The following ANK3 variants were observed in gnomAD, a reference collection of about 807,000 sequenced individuals.
The protein encoded by ANK3 is ankyrin-3.
A neutral mutation model predicts 370.9 loss-of-function variants in ANK3; 57 were observed. The observed-to-expected ratio is 0.15, with a 90% CI of 0.12 to 0.19. ANK3 has a LOEUF of 0.19. Ranked by LOEUF, ANK3 falls within the 10% of genes least tolerant of loss-of-function variation. The pLI, the probability that ANK3 is intolerant of heterozygous loss-of-function variation, is 1.00. For synonymous variants in ANK3, 1,929 were observed against 1,946.3 expected (o/e 0.99, Z 0.23); for missense variants, 4,439 against 5,302.1 (o/e 0.84, Z 5.06).
chr10:60,502,674 T>C (rs531751315), intron 2 of ANK3, among the ~76,000 whole-genome samples: 12 of 135,982 alleles, frequency 8.8e-5, no homozygotes, highest in African/African-American at 3.4e-4. Context: ...CTGCGCAACA[T>C]AGGGAGACCC....
At chr10:60,065,181 A>G (rs766549841) in intron 38 of ANK3, among the ~76,000 whole-genome samples, 2 of 152,222 alleles carry the variant, frequency 1.3e-5, no homozygotes, top group Non-Finnish European at 2.9e-5. Flanking sequence ...CTTTCTGTCC[A>G]TCTACTCGTA....
At chr10:60,523,703 C>T (rs867698524) in intron 2 of ANK3, among the ~76,000 whole-genome samples, 11 of 152,022 alleles carry the variant, frequency 7.2e-5, no homozygotes, top group Non-Finnish European at 8.8e-5. Flanking sequence ...AATAAACATA[C>T]GTGTGCATGT....
intron 1 of ANK3, among the ~76,000 whole-genome samples, chr10:60,313,935 T>G (rs915812682): frequency 9.2e-5 from 14 of 151,402 alleles, no homozygotes; most frequent in Non-Finnish European, 1.8e-4. Context: ...TTTGTTTTTT[T>G]TTTTTTTGCT....
At chr10:60,149,786 G>A (rs2095016254) in intron 23 of ANK3, among the ~76,000 whole-genome samples, 1 of 152,220 alleles carries the variant, frequency 6.6e-6, no homozygotes, top group African/African-American at 2.4e-5. Context: ...TCGGCTCACT[G>A]CAACCTCCGC....
intron 1 of ANK3, among the ~76,000 whole-genome samples, chr10:60,682,482 T>G (rs1376931239): frequency 2.0e-5 from 3 of 152,148 alleles, no homozygotes; most frequent in African/African-American, 4.8e-5. Flanking sequence ...ATTGCCCTTG[T>G]TACAGTCTTT....
chr10:60,375,055 T>G (rs1210195784), intron 1 of ANK3, among the ~76,000 whole-genome samples: 1 of 152,144 alleles, frequency 6.6e-6, no homozygotes, highest in Non-Finnish European at 1.5e-5. Context: ...AGAAAAACAT[T>G]GAAAAAATCT....
chr10:60,327,136 A>G (rs1216521260), intron 1 of ANK3, among the ~76,000 whole-genome samples: 1 of 152,228 alleles, frequency 6.6e-6, no homozygotes, highest in Non-Finnish European at 1.5e-5. Context: ...TAAAAGGAAG[A>G]GCCAGACTGA....
chr10:60,519,265 G>A (rs1007368397), intron 2 of ANK3, among the ~76,000 whole-genome samples: 1 of 152,118 alleles, frequency 6.6e-6, no homozygotes, highest in Non-Finnish European at 1.5e-5. Context: ...CTGGAACACA[G>A]ACTAGCTCCT....
At chr10:60,290,750 A>G (rs1255760273) in intron 1 of ANK3, among the ~76,000 whole-genome samples, 1 of 152,170 alleles carries the variant, frequency 6.6e-6, no homozygotes, top group Admixed American at 6.5e-5. Flanking sequence ...CTGCTGGTGC[A>G]CATTTCAAAC....
chr10:60,559,330 C>A (rs1050567396), intron 2 of ANK3, among the ~76,000 whole-genome samples: 2 of 152,126 alleles, frequency 1.3e-5, no homozygotes, highest in Non-Finnish European at 2.9e-5. Context: ...ATCTTCATAG[C>A]TTAACTTCCA....
At chr10:60,524,891 G>A (rs566105542) in intron 2 of ANK3, among the ~76,000 whole-genome samples, 1 of 152,022 alleles carries the variant, frequency 6.6e-6, no homozygotes, top group Non-Finnish European at 1.5e-5. Flanking sequence ...TGATGAACTG[G>A]ACCCATGAAC....
At chr10:60,364,109 C>G (rs1350980874) in intron 1 of ANK3, among the ~76,000 whole-genome samples, 4 of 151,058 alleles carry the variant, frequency 2.6e-5, no homozygotes. Flanking sequence ...GCCTGGCCAA[C>G]ATGGTGAAGC....
chr10:60,293,326 A>T (rs991104716), intron 1 of ANK3, among the ~76,000 whole-genome samples: 2 of 152,150 alleles, frequency 1.3e-5, no homozygotes, highest in African/African-American at 4.8e-5. Flanking sequence ...AAATAATCTC[A>T]TGGTTCATAG....
chr10:60,116,447 A>G (rs1390506096), intron 25 of ANK3, among the ~76,000 whole-genome samples: 1 of 152,222 alleles, frequency 6.6e-6, no homozygotes, highest in African/African-American at 2.4e-5. Context: ...AAAAGCATCC[A>G]GTATAAAAAC....
At chr10:60,105,603 T>TTTCA (rs2092056965) in intron 28 of ANK3, among the ~76,000 whole-genome samples, 1 of 152,206 alleles carries the variant, frequency 6.6e-6, no homozygotes, top group African/African-American at 2.4e-5. Context: ...TCCATTATTA[T>TTTCA]TTCACCCTCT....
rs1179851287 is a variant in ANK3, at chr10:60,070,254, C to G, written c.10627G>C (p.Asp3543His). The G allele has an allele frequency of 1.9e-6, 3 of 1,613,926 alleles. No individual in the cohort carries two copies. ...TCCCCTCGGTTATTAGACCAAGGGTCAAAATCTAGACCTTTGGTAGCTACT... is the reference window on the plus strand; with the variant it reads ...TCCCCTCGGTTATTAGACCAAGGGTGAAAATCTAGACCTTTGGTAGCTACT... ...KTVATKGLDF[D>H]PWSNNRGDDE... The change falls in exon 37 of 44, where the codon GAC becomes CAC. Residue 3543 changes from aspartate (D) to histidine (H), a missense_variant. Around this residue, in one of 13 missense-constraint regions of ANK3, gnomAD observed 1,601 missense variants for 1,731.7 expected, o/e 0.92. Transcript: ENST00000280772. This position sits in a 1 kb window ranked among gnomAD's most constrained non-coding sequence, Gnocchi z 5.7.
At chr10:60,139,209 C>T (rs2094467904) in intron 23 of ANK3, 122 bp from the exon 24 acceptor site, 3 of 1,200,864 alleles carry the variant, frequency 2.5e-6, no homozygotes, top group Non-Finnish European at 3.5e-6. Context: ...CTTCCCCTAT[C>T]ACCTGGATAA....
intron 2 of ANK3, among the ~76,000 whole-genome samples, chr10:60,555,555 A>G (rs2077187619): frequency 6.6e-6 from 1 of 152,180 alleles, no homozygotes; most frequent in African/African-American, 2.4e-5. Flanking sequence ...ATTTAAAAGC[A>G]TTCGGGTATG....
At chr10:60,344,297 A>G (rs1001533861) in intron 1 of ANK3, among the ~76,000 whole-genome samples, 15 of 152,250 alleles carry the variant, frequency 9.9e-5, no homozygotes, top group Non-Finnish European at 2.2e-4. Flanking sequence ...TTAATTCTGT[A>G]TTCCACATTT....
Sources: allele counts gnomAD v4.1 joint callset (sites outside exome capture counted in the v4.1 genomes callset), GRCh38; gene constraint gnomAD v4.1.1; regional missense constraint gnomAD v4.1.1; non-coding constraint Gnocchi (gnomAD v3.1); transcripts MANE v1.5; gene names NCBI Gene and HGNC (gene_info 2026-07-23, HGNC 2026-07-21).